The following KCNH1 variants were observed in gnomAD, a reference collection of about 807,000 sequenced individuals.
KCNH1 encodes the protein voltage-gated delayed rectifier potassium channel KCNH1.
A neutral mutation model predicts 69.2 loss-of-function variants in KCNH1; 27 were observed. The ratio of observed to expected loss-of-function variants is 0.39; its 90% confidence interval spans 0.29 to 0.54. KCNH1 has a LOEUF of 0.54. Ranked by LOEUF, KCNH1 falls within the 20% of genes least tolerant of loss-of-function variation. The pLI is 0.68. For synonymous variants in KCNH1, 456 were observed against 487.7 expected, an observed-to-expected ratio of 0.93 and a Z score of 0.86; for missense variants, 798 against 1,261.6, an observed-to-expected ratio of 0.63 and a Z score of 5.57.
At chr1:210,894,102 T>C (rs1686808354) in intron 7 of KCNH1, among the ~76,000 whole-genome samples, 1 of 152,220 alleles carries the variant, frequency 6.6e-6, no homozygotes, top group African/African-American at 2.4e-5. Flanking sequence ...TGTATTTTCT[T>C]CTTTCTTTGC....
At chr1:211,025,342 G>A (rs1053479084) in intron 5 of KCNH1, among the ~76,000 whole-genome samples, 5 of 152,122 alleles carry the variant, frequency 3.3e-5, no homozygotes, top group African/African-American at 1.2e-4. Context: ...GGGGGCAAAG[G>A]AAAGCTAGAA....
At chr1:210,689,966 C>A (rs1276715545) in intron 10 of KCNH1, among the ~76,000 whole-genome samples, 3 of 152,218 alleles carry the variant, frequency 2.0e-5, no homozygotes, top group African/African-American at 7.2e-5. Flanking sequence ...ACTCTGCTGT[C>A]CCCTGTGCAT....
In KCNH1 at chr1:210,681,697, T is replaced by A. The variant is rs975976898; in HGVS notation, c.*1584A>T. ...TAGGGCAGAGGTACCAGGAATGGGG[T>A]CACCGTCTAACACAGGCAAAGGTAA... On this transcript the variant is annotated 3_prime_UTR_variant, in exon 11 of 11. Coordinates refer to ENST00000271751, the MANE Select transcript of KCNH1 (RefSeq NM_172362.3). The A allele has an allele frequency of 6.6e-6, 1 of 152,228 alleles. No homozygotes were observed. The highest frequency in any genetic ancestry group is 1.5e-5 in the Non-Finnish European group (1 of 68,132). The allele number at this position is 152,228 out of a possible 1,614,324, so 9.4% of individuals were successfully genotyped here. A position where few individuals can be genotyped will look rare whatever the true frequency, so the allele number is the denominator to read the frequency against.
intron 6 of KCNH1, among the ~76,000 whole-genome samples, chr1:211,001,979 A>G (rs1689188060): frequency 7.1e-6 from 1 of 141,538 alleles, no homozygotes; most frequent in African/African-American, 2.6e-5. Flanking sequence ...ACTAGGACAC[A>G]GGAAGGGGAA....
At chr1:211,048,716 T>A (rs377494784) in intron 5 of KCNH1, among the ~76,000 whole-genome samples, 7 of 152,258 alleles carry the variant, frequency 4.6e-5, no homozygotes, top group African/African-American at 1.7e-4. Context: ...GAGTGAGGAA[T>A]AAAAGACTGC....
chr1:210,941,290 G>A (rs1687871291), intron 6 of KCNH1, among the ~76,000 whole-genome samples: 1 of 152,200 alleles, frequency 6.6e-6, no homozygotes, highest in South Asian at 2.1e-4. Context: ...CACTTCAGTG[G>A]CATCCTTGCC....
rs1048297220 is a variant in KCNH1, at chr1:211,087,962, T to C, written c.439+2600A>G. ...AAATAGGCTACTGTCAATTATCCCA[T>C]GTGTTGGACCCTTTGTGGGCGATTT... On this transcript the variant is annotated intron_variant, in intron 4 of 10. Coordinates refer to ENST00000271751, the MANE Select transcript of KCNH1 (RefSeq NM_172362.3). Among the ~76,000 whole-genome samples the C allele has an allele frequency of 2.2e-4, 34 of 152,118 alleles. 1 individual carries two copies. The highest frequency in any genetic ancestry group is 5.9e-5 in the Non-Finnish European group (4 of 68,004).
intron 10 of KCNH1, among the ~76,000 whole-genome samples, chr1:210,684,395 C>T (rs1370781296): frequency 6.6e-6 from 1 of 152,220 alleles, no homozygotes; most frequent in Admixed American, 6.5e-5. Flanking sequence ...AGGAACACAT[C>T]CCATTTTTTC....
intron 10 of KCNH1, among the ~76,000 whole-genome samples, chr1:210,740,181 C>G (rs923583147): frequency 1.3e-5 from 2 of 152,110 alleles, no homozygotes; most frequent in African/African-American, 4.8e-5. Flanking sequence ...TAAAGATGAA[C>G]AAGACAATCC....
intron 7 of KCNH1, among the ~76,000 whole-genome samples, chr1:210,899,253 T>C (rs143876392): frequency 5.1e-4 from 78 of 152,276 alleles, no homozygotes; most frequent in African/African-American, 1.9e-3. Context: ...GTATGTAATA[T>C]TGCAATGGGC....
At chr1:211,022,877 C>T (rs11119661) in intron 5 of KCNH1, among the ~76,000 whole-genome samples, 10,889 of 151,654 alleles carry the variant, frequency 0.072, 1,041 homozygotes, top group African/African-American at 0.22. Context: ...TTTGGGAGGC[C>T]GAGGAGGGTG....
At chr1:210,685,675 G>A (rs1681393527) in intron 10 of KCNH1, among the ~76,000 whole-genome samples, 1 of 152,090 alleles carries the variant, frequency 6.6e-6, no homozygotes, top group African/African-American at 2.4e-5. Flanking sequence ...CTGGCCCACT[G>A]GAGATGCTTA....
intron 10 of KCNH1, among the ~76,000 whole-genome samples, chr1:210,762,263 T>C (rs759532299): frequency 5.3e-5 from 8 of 152,244 alleles, no homozygotes; most frequent in Non-Finnish European, 1.2e-4. Context: ...TCTAAATGCC[T>C]ATATCAAGAA....
At chr1:211,072,510 T>C (rs577558318) in intron 5 of KCNH1, among the ~76,000 whole-genome samples, 2 of 152,298 alleles carry the variant, frequency 1.3e-5, no homozygotes, top group African/African-American at 4.8e-5. Context: ...GACAGTTCAA[T>C]GAAAAATAAC....
intron 6 of KCNH1, among the ~76,000 whole-genome samples, chr1:210,952,428 T>G (rs1039765180): frequency 5.9e-5 from 9 of 152,208 alleles, no homozygotes; most frequent in Non-Finnish European, 1.3e-4. Flanking sequence ...CAGGTGCTGA[T>G]CTAAGCACAA....
intron 1 of KCNH1, among the ~76,000 whole-genome samples, chr1:211,112,165 C>G (rs115199309): frequency 2.7e-5 from 4 of 147,302 alleles, no homozygotes; most frequent in Non-Finnish European, 4.5e-5. Flanking sequence ...GCCACTGCAC[C>G]GTCTGGGAAG....
intron 7 of KCNH1, among the ~76,000 whole-genome samples, chr1:210,885,867 T>C (rs1686592565): frequency 6.6e-6 from 1 of 152,180 alleles, no homozygotes; most frequent in South Asian, 2.1e-4. Context: ...GGGCAGACCA[T>C]GTCTGAAAGA....
chr1:210,819,131 T>C lies in KCNH1; in HGVS notation c.1463-14965A>G, dbSNP rs139370186. ...AGCCAAAGATGTGCTTAATGCTAAC[T>C]GGGTACTAATGATTTAAAAAAAAAT... is the stretch of plus-strand genomic sequence containing the variant. On this transcript the variant is annotated intron_variant, in intron 7 of 10. Coordinates refer to ENST00000271751, the MANE Select transcript of KCNH1 (RefSeq NM_172362.3). Among the ~76,000 whole-genome samples, 256 of 152,278 alleles carry C rather than the reference T, an allele frequency of 1.7e-3. 1 individual carries two copies. Among genetic ancestry groups the C allele is most frequent in the African/African-American group, 5.8e-3 (241 of 41,552 alleles).
chr1:211,100,257 G>A (rs1571646578), intron 3 of KCNH1, among the ~76,000 whole-genome samples: 1 of 151,994 alleles, frequency 6.6e-6, no homozygotes, highest in African/African-American at 2.4e-5. Flanking sequence ...CACCACTACC[G>A]CTTTTAAGAC....
Sources: allele counts gnomAD v4.1 joint callset (sites outside exome capture counted in the v4.1 genomes callset), GRCh38; gene constraint gnomAD v4.1.1; transcripts MANE v1.5; gene names NCBI Gene and HGNC (gene_info 2026-07-23, HGNC 2026-07-21).